KANK4: variants seen among roughly 807,000 people sequenced by gnomAD.
KANK4 encodes the protein KN motif and ankyrin repeat domain-containing protein 4.
KANK4 carries 50 observed loss-of-function variants against 80.8 expected under a neutral mutation model. That is an observed-to-expected ratio of 0.62 (90% CI 0.49 to 0.78). KANK4 has a LOEUF of 0.78. Ranked by LOEUF, KANK4 falls within the 30% of genes least tolerant of loss-of-function variation. The pLI, the probability that KANK4 is intolerant of heterozygous loss-of-function variation, is 0.00. For synonymous variants in KANK4, 465 were observed against 506.9 expected, an observed-to-expected ratio of 0.92 and a Z score of 1.11; for missense variants, 1,196 against 1,240.1, an observed-to-expected ratio of 0.96 and a Z score of 0.53.
chr1:62,270,542 A>G (rs6664843), intron 4 of KANK4, among the ~76,000 whole-genome samples: 69,370 of 151,436 alleles, frequency 0.46, 16,544 homozygotes, highest in South Asian at 0.6. Context: ...ATGTCCCCAC[A>G]CCCAACTAAT....
At chr1:62,275,767 T>C (rs1017182671) in intron 2 of KANK4, among the ~76,000 whole-genome samples, 3 of 142,976 alleles carry the variant, frequency 2.1e-5, no homozygotes, top group African/African-American at 7.8e-5. Context: ...TTCACTTTCA[T>C]AAACCCATGC....
At chr1:62,305,316 T>G (rs1046203930) in intron 1 of KANK4, among the ~76,000 whole-genome samples, 1 of 152,172 alleles carries the variant, frequency 6.6e-6, no homozygotes, top group African/African-American at 2.4e-5. Flanking sequence ...GAGATTTTTT[T>G]TTTCTTTTTT....
chr1:62,278,315 T>G lies in KANK4; in HGVS notation c.17-3228A>C. Among the ~76,000 whole-genome samples, 3 of 17,272 alleles carry G rather than the reference T, an allele frequency of 1.7e-4. 1 individual carries two copies. Among genetic ancestry groups the G allele is most frequent in the South Asian group, 2.5e-3 (1 of 398 alleles). The allele number at this position is 17,272 out of a possible 152,430, so 11.3% of individuals were successfully genotyped here. A position where few individuals can be genotyped will look rare whatever the true frequency, so the allele number is the denominator to read the frequency against. ...ATGGTGGCATTTCCTGGGGCACATT[T>G]TCTTTCTTCCTTCCTTCCTTCCTTC... On this transcript the variant is annotated intron_variant, in intron 2 of 9. Transcript: ENST00000371153.
chr1:62,247,539 T>G lies in KANK4; in HGVS notation c.2816A>C (p.His939Pro), dbSNP rs1423398904. ...GSSALMVACH[H>P]GNVDLVRLLL... ...CAGCCGCACCAGGTCCACGTTGCCA[T>G]GGTGACAGGCCACCATGAGGGCCGA... is the stretch of plus-strand genomic sequence containing the variant. Residue 939 changes from histidine (H) to proline (P), a missense_variant, in exon 9 of 10, where the codon CAT (histidine) becomes CCT (proline). Transcript: ENST00000371153. 6.2e-7 allele frequency: 1 copy of G among 1,613,908 alleles called. No homozygotes were observed. Among genetic ancestry groups the G allele is most frequent in the South Asian group, 1.1e-5 (1 of 91,084 alleles).
At chr1:62,266,001 A>C (rs1227855695) in intron 6 of KANK4, among the ~76,000 whole-genome samples, 1 of 152,198 alleles carries the variant, frequency 6.6e-6, no homozygotes. Context: ...GACTTGCCTA[A>C]TATCTCACAG....
chr1:62,251,918 G>A (rs1671629696), intron 8 of KANK4, among the ~76,000 whole-genome samples: 1 of 151,978 alleles, frequency 6.6e-6, no homozygotes, highest in East Asian at 1.9e-4. Flanking sequence ...CTTGAACCCA[G>A]GAGGTGGAGG....
chr1:62,262,124 G>A (rs2666474), intron 7 of KANK4, among the ~76,000 whole-genome samples: 1 of 151,966 alleles, frequency 6.6e-6, no homozygotes, highest in Non-Finnish European at 1.5e-5. Context: ...ATGGAGCCAT[G>A]ACCTTTGTTA....
rs183207794 is a variant in KANK4, at chr1:62,252,530, G to A, written c.2682+537C>T. Reference sequence around the variant, plus strand: ...AGCTAAGCTGAGGCCTGGAAAGTGGGAATCCTCACACCCCTAGGAATGATC... The same window carrying A: ...AGCTAAGCTGAGGCCTGGAAAGTGGAAATCCTCACACCCCTAGGAATGATC... On this transcript the variant is annotated intron_variant, in intron 8 of 9. Transcript: ENST00000371153. Among the ~76,000 whole-genome samples the A allele has an allele frequency of 1.7e-3, 266 of 152,360 alleles. 1 individual carries two copies. The highest frequency in any genetic ancestry group is 2.9e-3 in the Admixed American group (45 of 15,308).
intron 1 of KANK4, among the ~76,000 whole-genome samples, chr1:62,303,200 A>G (rs983925835): frequency 2.6e-5 from 4 of 151,786 alleles, no homozygotes; most frequent in Non-Finnish European, 5.9e-5. Context: ...GCCAAGTAGC[A>G]GATGAAGTCA....
intron 1 of KANK4, among the ~76,000 whole-genome samples, chr1:62,307,127 A>G (rs890366042): frequency 4.6e-5 from 7 of 151,722 alleles, no homozygotes; most frequent in African/African-American, 1.7e-4. Flanking sequence ...GTTCCTTCCC[A>G]GGCCATCATG....
intron 6 of KANK4, among the ~76,000 whole-genome samples, chr1:62,265,446 T>C (rs1671996232): frequency 6.6e-6 from 1 of 152,078 alleles, no homozygotes; most frequent in Non-Finnish European, 1.5e-5. Context: ...TTTGCCATAT[T>C]GCCCAGGCTG....
intron 2 of KANK4, among the ~76,000 whole-genome samples, chr1:62,275,861 G>C (rs1281649719): frequency 1.9e-5 from 1 of 52,962 alleles, no homozygotes; most frequent in Admixed American, 1.4e-4. Context: ...AGGGAGGGAG[G>C]AAGGAAGGGA....
intron 1 of KANK4, among the ~76,000 whole-genome samples, chr1:62,316,066 C>T (rs1381684697): frequency 2.0e-5 from 3 of 152,220 alleles, no homozygotes; most frequent in Non-Finnish European, 4.4e-5. Context: ...GCAAGAACCC[C>T]GTTCTCTCCT....
chr1:62,279,196 G>GCA (rs1457451049), intron 2 of KANK4, among the ~76,000 whole-genome samples: 11 of 51,680 alleles, frequency 2.1e-4, no homozygotes, highest in South Asian at 8.5e-4. Context: ...AAGCTAGCGC[G>GCA]CGCACACACA....
At chr1:62,282,479 A>G (rs1046727079) in intron 1 of KANK4, among the ~76,000 whole-genome samples, 45 of 152,166 alleles carry the variant, frequency 3.0e-4, no homozygotes, top group African/African-American at 8.2e-4. Context: ...AGGAATTCCA[A>G]TGTGCTTGAC....
chr1:62,292,066 C>T (rs1672691405), intron 1 of KANK4, among the ~76,000 whole-genome samples: 1 of 152,186 alleles, frequency 6.6e-6, no homozygotes, highest in African/African-American at 2.4e-5. Flanking sequence ...TCCCTCCCAG[C>T]CCCAGGAAAC....
At chr1:62,276,904 G>T (rs1672328225) in intron 2 of KANK4, among the ~76,000 whole-genome samples, 1 of 152,150 alleles carries the variant, frequency 6.6e-6, no homozygotes, top group Non-Finnish European at 1.5e-5. Context: ...GCCCCATAAT[G>T]GAAAGTGACT....
At chr1:62,276,741 T>C (rs937707056) in intron 2 of KANK4, among the ~76,000 whole-genome samples, 2 of 134,334 alleles carry the variant, frequency 1.5e-5, no homozygotes, top group Non-Finnish European at 3.1e-5. Flanking sequence ...TGCACCATTG[T>C]ACTCCAGCCT....
chr1:62,253,078 G>C lies in KANK4; in HGVS notation c.2671C>G (p.Gln891Glu). Residue 891 changes from glutamine to glutamate, a missense_variant, in exon 8 of 10, where the codon CAA becomes GAA. Gln to Glu is a conservative substitution (Grantham distance 29). This residue lies in a region of KANK4 where 1,154 missense variants were observed against 1,179.6 expected (regional missense o/e 0.98). Coordinates refer to ENST00000371153, the MANE Select transcript of KANK4 (RefSeq NM_181712.5). ...KLLREGNVNI[Q>E]ATQGGQTALM... ...TTCATTCCACCCACCTGAGTAGCTT[G>C]AATGTTCACATTTCCTTCTCTTAAG... 3.1e-6 allele frequency: 5 copies of C among 1,613,792 alleles called. No homozygotes were observed. The highest frequency in any genetic ancestry group is 1.1e-5 in the South Asian group (1 of 90,938).
Sources: gnomAD v4.1 joint callset for allele counts (sites outside exome capture counted in the v4.1 genomes callset) on GRCh38, gnomAD v4.1.1 for gene constraint, gnomAD v4.1.1 regional missense constraint, MANE v1.5 for transcripts, NCBI Gene and HGNC (gene_info 2026-07-23, HGNC 2026-07-21) for gene names.